Variants in SCFD2 observed in about 807,000 individuals in gnomAD.
SCFD2 encodes the protein sec1 family domain-containing protein 2.
SCFD2 carries 54 observed loss-of-function variants against 58.9 expected under a neutral mutation model. The observed-to-expected ratio is 0.92, with a 90% CI of 0.74 to 1.15. SCFD2 has a LOEUF of 1.15. Ranked by LOEUF, SCFD2 falls within the 50% of genes most tolerant of loss-of-function variation. The pLI is 0.00. For missense variants in SCFD2, 805 were observed against 836.6 expected, an observed-to-expected ratio of 0.96 and a Z score of 0.47; for synonymous variants, 321 against 335.9, an observed-to-expected ratio of 0.96 and a Z score of 0.49.
rs377262765 is a variant in SCFD2, at chr4:53,118,092, G to C, written c.1561+27241C>G. 1.8e-4 allele frequency among the ~76,000 whole-genome samples: 28 copies of C among 152,272 alleles called. 1 individual carries two copies. In the South Asian group the frequency reaches 2.1e-3, roughly 11 times the overall value. On this transcript the variant is annotated intron_variant, in intron 5 of 8. Coordinates refer to ENST00000401642, the MANE Select transcript of SCFD2 (RefSeq NM_152540.4). ...TATGTGACATGGACACAAACACAAT[G>C]TGAGATGTGTTTGTGAGATGGACAA... is the stretch of plus-strand genomic sequence containing the variant.
At chr4:53,043,581 C>G (rs1453616350) in intron 5 of SCFD2, among the ~76,000 whole-genome samples, 1 of 152,034 alleles carries the variant, frequency 6.6e-6, no homozygotes, top group Admixed American at 6.6e-5. Flanking sequence ...AGGGTCAGAG[C>G]AGTGGAAGGT....
intron 3 of SCFD2, among the ~76,000 whole-genome samples, chr4:53,289,336 A>G (rs1479719744): frequency 6.6e-6 from 1 of 152,200 alleles, no homozygotes; most frequent in Non-Finnish European, 1.5e-5. Flanking sequence ...ATTGCACTCC[A>G]GCCTGGGCAA....
At position 52,926,154 on chromosome 4, in the gene SCFD2, G is replaced by C. The variant is rs1192927241; in HGVS notation, c.1562-5284C>G. ...ATCCTTCTGGGATGGCTGAAATGAA[G>C]CTCTACTCCTTACTCCAGTCTACCT... On this transcript the variant is annotated intron_variant, in intron 5 of 8. Transcript: ENST00000401642. Among the ~76,000 whole-genome samples, 3 of 152,016 alleles carry C rather than the reference G, an allele frequency of 2.0e-5. No individual in the cohort carries two copies. In the South Asian group the frequency reaches 6.2e-4, roughly 32 times the overall value.
At chr4:52,913,443 G>A (rs1719533053) in intron 6 of SCFD2, among the ~76,000 whole-genome samples, 1 of 152,146 alleles carries the variant, frequency 6.6e-6, no homozygotes, top group Non-Finnish European at 1.5e-5. Context: ...TGCTCCTTAT[G>A]AAAATCTAAT....
At chr4:53,042,892 C>T (rs1399081370) in intron 5 of SCFD2, among the ~76,000 whole-genome samples, 5 of 152,008 alleles carry the variant, frequency 3.3e-5, no homozygotes, top group African/African-American at 9.7e-5. Context: ...TGTCTTGGGG[C>T]AAGGTTGGGC....
intron 5 of SCFD2, among the ~76,000 whole-genome samples, chr4:52,973,622 C>T (rs928148640): frequency 5.3e-5 from 8 of 152,226 alleles, no homozygotes; most frequent in Admixed American, 2.6e-4. Context: ...CCTTCTGAAA[C>T]TATTCCAATC....
At chr4:53,056,314 G>A (rs1490970857) in intron 5 of SCFD2, among the ~76,000 whole-genome samples, 4 of 152,160 alleles carry the variant, frequency 2.6e-5, no homozygotes, top group South Asian at 2.1e-4. Flanking sequence ...GTGAGGACCC[G>A]GGGGAATGTC....
chr4:53,318,489 C>A (rs1732928805), intron 2 of SCFD2, among the ~76,000 whole-genome samples: 1 of 152,030 alleles, frequency 6.6e-6, no homozygotes, highest in Non-Finnish European at 1.5e-5. Context: ...CTACCTAACC[C>A]AATACAGACA....
At chr4:53,143,395 A>T (rs147237008) in intron 5 of SCFD2, among the ~76,000 whole-genome samples, 2 of 152,342 alleles carry the variant, frequency 1.3e-5, no homozygotes, top group African/African-American at 4.8e-5. Context: ...AATCATATTA[A>T]AACTTTCTAA....
At chr4:53,295,710 G>GT (rs1338398907) in intron 3 of SCFD2, among the ~76,000 whole-genome samples, 3 of 152,274 alleles carry the variant, frequency 2.0e-5, no homozygotes. Context: ...TACTTGTCTT[G>GT]TGTTGGCTTT....
At chr4:53,258,577 T>TAC (rs1553893403) in intron 4 of SCFD2, among the ~76,000 whole-genome samples, 4,698 of 119,968 alleles carry the variant, frequency 0.039, 173 homozygotes, top group Middle Eastern at 0.078. Context: ...TATATATATA[T>TAC]ACACACACAT....
At chr4:53,014,909 G>A (rs1266358929) in intron 5 of SCFD2, among the ~76,000 whole-genome samples, 3 of 152,144 alleles carry the variant, frequency 2.0e-5, no homozygotes, top group Non-Finnish European at 4.4e-5. Flanking sequence ...TGTGAAAAAC[G>A]CATTAACTCA....
intron 5 of SCFD2, chr4:52,956,246 G>A (rs1451676805): frequency 2.2e-6 from 1 of 456,706 alleles, no homozygotes; most frequent in East Asian, 6.9e-5. Context: ...ATACTTAGAA[G>A]GCAAACCTCC....
At chr4:53,201,254 T>C (rs1454582279) in intron 4 of SCFD2, among the ~76,000 whole-genome samples, 2 of 145,162 alleles carry the variant, frequency 1.4e-5, no homozygotes, top group Non-Finnish European at 3.0e-5. Flanking sequence ...AATTCCCACC[T>C]ATGAGTGAGA....
chr4:53,258,536 G>C (rs1730720648), intron 4 of SCFD2, among the ~76,000 whole-genome samples: 1 of 91,706 alleles, frequency 1.1e-5, no homozygotes, highest in Non-Finnish European at 2.1e-5. Flanking sequence ...CATGGTGTGT[G>C]TGTATATATA....
At chr4:53,343,569 T>C (rs542481719) in intron 2 of SCFD2, among the ~76,000 whole-genome samples, 19 of 152,172 alleles carry the variant, frequency 1.2e-4, no homozygotes, top group African/African-American at 4.6e-4. Context: ...TTCCAACTGA[T>C]AGAAAAAGAG....
chr4:53,306,609 A>T (rs1732521820), intron 3 of SCFD2, among the ~76,000 whole-genome samples: 2 of 152,186 alleles, frequency 1.3e-5, no homozygotes, highest in South Asian at 4.1e-4. Flanking sequence ...TCAAACTACA[A>T]GCACTAAGCC....
At chr4:53,256,022 C>T (rs1394026518) in intron 4 of SCFD2, among the ~76,000 whole-genome samples, 1 of 148,778 alleles carries the variant, frequency 6.7e-6, no homozygotes, top group South Asian at 2.2e-4. Flanking sequence ...GGGGGTCTGA[C>T]CCCCCACCTC....
At chr4:53,044,235 A>G (rs114348226) in intron 5 of SCFD2, among the ~76,000 whole-genome samples, 1,738 of 152,214 alleles carry the variant, frequency 0.011, 17 homozygotes, top group Middle Eastern at 0.034. Context: ...TCAGACCTGC[A>G]TCAGAGTCTG....
Sources: gnomAD v4.1 joint callset for allele counts (sites outside exome capture counted in the v4.1 genomes callset) on GRCh38, gnomAD v4.1.1 for gene constraint, MANE v1.5 for transcripts, NCBI Gene and HGNC (gene_info 2026-07-23, HGNC 2026-07-21) for gene names.